SUCLG2: variants seen among roughly 807,000 people sequenced by gnomAD.
SUCLG2 encodes succinate--CoA ligase [GDP-forming] subunit beta, mitochondrial.
Under a neutral mutation model 47.9 loss-of-function variants are expected in SUCLG2, and 42 were observed. The ratio of observed to expected loss-of-function variants is 0.88; its 90% confidence interval spans 0.69 to 1.14. The LOEUF (loss-of-function observed/expected upper bound fraction) is 1.14. Ranked by LOEUF, SUCLG2 falls within the 50% of genes most tolerant of loss-of-function variation. The pLI, the probability that SUCLG2 is intolerant of heterozygous loss-of-function variation, is 0.00. For synonymous variants in SUCLG2, 195 were observed against 197.3 expected, an observed-to-expected ratio of 0.99 and a Z score of 0.10; for missense variants, 571 against 525.9, an observed-to-expected ratio of 1.09 and a Z score of -0.84.
chr3:67,532,976 A>G (rs890491238), intron 2 of SUCLG2, among the ~76,000 whole-genome samples: 2 of 150,842 alleles, frequency 1.3e-5, no homozygotes, highest in African/African-American at 2.4e-5. Context: ...GTCTAAAGGG[A>G]AAAAAATCAA....
intron 2 of SUCLG2, among the ~76,000 whole-genome samples, chr3:67,554,851 ATAT>A (rs1319771709): frequency 6.6e-6 from 1 of 152,148 alleles, no homozygotes; most frequent in African/African-American, 2.4e-5. Flanking sequence ...CCAGGTAGCC[ATAT>A]ATTCAGTGAA....
chr3:67,451,435 T>C (rs948236044), intron 9 of SUCLG2, among the ~76,000 whole-genome samples: 5 of 152,200 alleles, frequency 3.3e-5, no homozygotes, highest in Non-Finnish European at 5.9e-5. Flanking sequence ...TCACGTACAG[T>C]TGTCAGAAAA....
intron 2 of SUCLG2, among the ~76,000 whole-genome samples, chr3:67,606,154 A>G (rs2107306498): frequency 6.6e-6 from 1 of 152,302 alleles, no homozygotes; most frequent in Non-Finnish European, 1.5e-5. Flanking sequence ...GCACTGAACT[A>G]TGATTACACC....
chr3:67,428,227 G>A (rs1703360243), intron 9 of SUCLG2, among the ~76,000 whole-genome samples: 1 of 152,208 alleles, frequency 6.6e-6, no homozygotes, highest in African/African-American at 2.4e-5. Flanking sequence ...ACAGCAGGGT[G>A]CCCCTCTGAG....
At chr3:67,409,055 G>T in intron 9 of SUCLG2, 1 of 1,533,224 alleles carries the variant, frequency 6.5e-7, no homozygotes, top group Non-Finnish European at 8.7e-7. Flanking sequence ...ATCAATCAGA[G>T]GTAAGATATC....
Position 67,472,430 on chromosome 3 carries a change from T to C in SUCLG2, c.1062+23368A>G, listed in dbSNP as rs191900354. ...ACATGATATACTGGATTTTACTCTA[T>C]AATTTTTACATTTTATCACAATGGC... On this transcript the variant is annotated intron_variant, in intron 9 of 10. Coordinates refer to ENST00000307227, the MANE Select transcript of SUCLG2 (RefSeq NM_003848.4). Among the ~76,000 whole-genome samples, 541 of 152,356 alleles carry C rather than the reference T, an allele frequency of 3.6e-3. 4 individuals carry two copies. The highest frequency in any genetic ancestry group is 0.013 in the African/African-American group (522 of 41,590).
intron 9 of SUCLG2, among the ~76,000 whole-genome samples, chr3:67,487,006 A>G (rs1705071451): frequency 6.6e-6 from 1 of 152,228 alleles, no homozygotes; most frequent in Admixed American, 6.5e-5. Context: ...CAAGCAAATA[A>G]TGATCAACTA....
intron 4 of SUCLG2, among the ~76,000 whole-genome samples, chr3:67,525,321 CTG>C (rs1706227135): frequency 6.6e-6 from 1 of 152,120 alleles, no homozygotes; most frequent in Non-Finnish European, 1.5e-5. Flanking sequence ...ACAGGTAAAA[CTG>C]TTTTGGAAAA....
chr3:67,609,332 C>T, intron 2 of SUCLG2, 123 bp downstream of exon 2: 1 of 1,170,456 alleles, frequency 8.5e-7, no homozygotes, highest in Non-Finnish European at 1.2e-6. Flanking sequence ...CAGTTCTAAG[C>T]TCTCCCCTGT....
At chr3:67,424,623 T>A (rs189354059) in intron 9 of SUCLG2, among the ~76,000 whole-genome samples, 21 of 152,314 alleles carry the variant, frequency 1.4e-4, no homozygotes, top group African/African-American at 4.6e-4. Context: ...GTAAAATAGA[T>A]AATCATGTCT....
At chr3:67,633,898 T>G (rs1371630434) in intron 1 of SUCLG2, among the ~76,000 whole-genome samples, 1 of 152,116 alleles carries the variant, frequency 6.6e-6, no homozygotes, top group East Asian at 1.9e-4. Flanking sequence ...AAATATTTCT[T>G]ATATTTTATA....
At chr3:67,374,661 T>TA (rs879257803), downstream of SUCLG2, 20,151 of 560,908 alleles carry the variant, frequency 0.036, 1 homozygote, top group Middle Eastern at 0.046. Flanking sequence ...AGTGTCTTTG[T>TA]AAAAAAAAAA....
chr3:67,524,377 C>T (rs942068314), intron 4 of SUCLG2, among the ~76,000 whole-genome samples: 10 of 152,126 alleles, frequency 6.6e-5, no homozygotes, highest in East Asian at 1.9e-4. Context: ...TGAGTGCTAG[C>T]GTACAAACTA....
intron 10 of SUCLG2, among the ~76,000 whole-genome samples, chr3:67,386,203 C>T (rs994424850): frequency 7.9e-5 from 12 of 152,088 alleles, no homozygotes; most frequent in African/African-American, 2.9e-4. Flanking sequence ...ATTCTCCTGC[C>T]TCAGCCTCCC....
chr3:67,620,358 A>G (rs1700711968), intron 1 of SUCLG2, among the ~76,000 whole-genome samples: 1 of 152,068 alleles, frequency 6.6e-6, no homozygotes, highest in African/African-American at 2.4e-5. Context: ...GCCAAGGCAG[A>G]TGGATCACCT....
At chr3:67,536,682 C>T (rs999690305) in intron 2 of SUCLG2, among the ~76,000 whole-genome samples, 3 of 152,234 alleles carry the variant, frequency 2.0e-5, no homozygotes, top group African/African-American at 4.8e-5. Flanking sequence ...CCAATGCAGA[C>T]TGAAATCAAA....
chr3:67,545,016 C>G (rs2107182417), intron 2 of SUCLG2, among the ~76,000 whole-genome samples: 1 of 152,246 alleles, frequency 6.6e-6, no homozygotes, highest in Admixed American at 6.5e-5. Context: ...AGTCTCAAAA[C>G]AGCTCCCAAC....
chr3:67,550,071 TC>T (rs1706972674), intron 2 of SUCLG2, among the ~76,000 whole-genome samples: 1 of 152,344 alleles, frequency 6.6e-6, no homozygotes, highest in African/African-American at 2.4e-5. Context: ...AATTGACACT[TC>T]TGAATTCAGC....
chr3:67,498,367 A>G, intron 7 of SUCLG2, 72 bp from the exon 8 acceptor site: 1 of 1,519,650 alleles, frequency 6.6e-7, no homozygotes, highest in Non-Finnish European at 9.0e-7. Flanking sequence ...TCAGGCTGGT[A>G]GGCACAAGCG....
Sources: gnomAD v4.1 joint callset for allele counts (sites outside exome capture counted in the v4.1 genomes callset) on GRCh38, gnomAD v4.1.1 for gene constraint, MANE v1.5 for transcripts, NCBI Gene and HGNC (gene_info 2026-07-23, HGNC 2026-07-21) for gene names.